The following CCDC171 variants were observed in gnomAD, a reference collection of about 807,000 sequenced individuals.
CCDC171 encodes coiled-coil domain containing 171, also known as coiled-coil domain-containing protein 171.
In CCDC171, 177 loss-of-function variants were observed where a neutral mutation model predicts 168.2. The ratio of observed to expected loss-of-function variants is 1.05; its 90% CI spans 0.93 to 1.19. The LOEUF (loss-of-function observed/expected upper bound fraction) is 1.19, where lower values mean the gene tolerates loss of function less well. Ranked by LOEUF, CCDC171 falls within the 50% of genes most tolerant of loss-of-function variation. CCDC171 has a pLI of 0.00. For missense variants in CCDC171, 1,991 were observed against 1,539.0 expected (o/e 1.29, Z -4.91); for synonymous variants, 687 against 540.8 (o/e 1.27, Z -3.75).
At chr9:15,718,501 G>A (rs552122369) in intron 11 of CCDC171, among the ~76,000 whole-genome samples, 2 of 152,214 alleles carry the variant, frequency 1.3e-5, no homozygotes, top group African/African-American at 4.8e-5. Flanking sequence ...CCAGTTAATG[G>A]TTACAGCAGG....
chr9:15,799,214 T>C (rs1355146481), intron 21 of CCDC171, among the ~76,000 whole-genome samples: 1 of 145,710 alleles, frequency 6.9e-6, no homozygotes, highest in Non-Finnish European at 1.5e-5. Flanking sequence ...TTCCATCTAA[T>C]GTGATTTTCC....
chr9:15,992,989 G>C (rs1238605230), intron 3 of CCDC171, among the ~76,000 whole-genome samples: 1 of 152,184 alleles, frequency 6.6e-6, no homozygotes, highest in Non-Finnish European at 1.5e-5. Context: ...TGGATAGGAA[G>C]AATCAATATC....
intron 11 of CCDC171, among the ~76,000 whole-genome samples, chr9:15,704,775 G>A (rs936059424): frequency 6.6e-6 from 1 of 152,060 alleles, no homozygotes; most frequent in African/African-American, 2.4e-5. Flanking sequence ...AGTCCAAGAC[G>A]TTCCAGAAGT....
At chr9:16,027,653 C>G (rs1344088882) in intron 6 of CCDC171, among the ~76,000 whole-genome samples, 1 of 152,120 alleles carries the variant, frequency 6.6e-6, no homozygotes, top group Non-Finnish European at 1.5e-5. Flanking sequence ...GGCCCACTCG[C>G]CAAGCCTGGT....
chr9:15,717,126 C>T (rs1427499341), intron 11 of CCDC171, among the ~76,000 whole-genome samples: 1 of 152,226 alleles, frequency 6.6e-6, no homozygotes, highest in African/African-American at 2.4e-5. Flanking sequence ...GACACCACCA[C>T]TCTTCCATGC....
intron 15 of CCDC171, among the ~76,000 whole-genome samples, chr9:15,728,964 A>C (rs1472013829): frequency 1.3e-5 from 2 of 152,188 alleles, no homozygotes; most frequent in Non-Finnish European, 2.9e-5. Flanking sequence ...AACCATAGAC[A>C]CTGAGAAGTA....
chr9:15,953,674 G>A (rs988101775), intron 25 of CCDC171, among the ~76,000 whole-genome samples: 2 of 152,132 alleles, frequency 1.3e-5, no homozygotes, highest in African/African-American at 4.8e-5. Context: ...TTAGTAACAG[G>A]ATAATGCTGG....
intron 24 of CCDC171, chr9:15,875,747 A>G (rs1817752758): frequency 1.3e-5 from 2 of 152,020 alleles, no homozygotes; most frequent in African/African-American, 4.8e-5. Context: ...ATTTGTTATT[A>G]GTACCAAATT....
chr9:15,615,033 T>C (rs560450980), intron 6 of CCDC171, among the ~76,000 whole-genome samples: 1 of 152,158 alleles, frequency 6.6e-6, no homozygotes, highest in Non-Finnish European at 1.5e-5. Context: ...AACATCTTGA[T>C]AGCATAATCT....
At chr9:15,624,646 C>T (rs1412511187) in intron 7 of CCDC171, among the ~76,000 whole-genome samples, 2 of 152,176 alleles carry the variant, frequency 1.3e-5, no homozygotes, top group Non-Finnish European at 2.9e-5. Context: ...ATAAACTCAT[C>T]ATTTTTTATG....
At chr9:15,626,037 C>T (rs1028699725) in intron 7 of CCDC171, among the ~76,000 whole-genome samples, 2 of 152,060 alleles carry the variant, frequency 1.3e-5, no homozygotes, top group Admixed American at 6.6e-5. Context: ...CCTTCACATC[C>T]CTTGTAAGTT....
chr9:16,093,614 T>C, the CCDC171 span, among the ~76,000 whole-genome samples: 4 of 152,226 alleles, frequency 2.6e-5, no homozygotes, highest in African/African-American at 9.6e-5. Flanking sequence ...CTCTTCTCTC[T>C]CTGATGTTGC....
chr9:15,633,260 T>C (rs1357054736), intron 7 of CCDC171, among the ~76,000 whole-genome samples: 2 of 152,108 alleles, frequency 1.3e-5, no homozygotes, highest in African/African-American at 4.8e-5. Flanking sequence ...AGAAAAGTTT[T>C]GCAACCTACT....
intron 6 of CCDC171, among the ~76,000 whole-genome samples, chr9:15,606,581 G>A (rs1179175914): frequency 2.6e-5 from 4 of 152,138 alleles, no homozygotes; most frequent in African/African-American, 7.2e-5. Flanking sequence ...TATTTTATAA[G>A]CTAGAAAAGA....
At chr9:15,956,096 G>A (rs1183439384) in intron 25 of CCDC171, among the ~76,000 whole-genome samples, 1 of 152,144 alleles carries the variant, frequency 6.6e-6, no homozygotes, top group Non-Finnish European at 1.5e-5. Context: ...GGTAAGAAGT[G>A]AGCAGTGTTC....
At chr9:15,988,358 C>T (rs972420239) in intron 3 of CCDC171, among the ~76,000 whole-genome samples, 34 of 152,164 alleles carry the variant, frequency 2.2e-4, no homozygotes, top group South Asian at 4.1e-4. Flanking sequence ...TTATGCTGCA[C>T]GACTTTTTAA....
the CCDC171 span, among the ~76,000 whole-genome samples, chr9:16,107,724 T>C: frequency 6.6e-6 from 1 of 152,204 alleles, no homozygotes. Context: ...GCATTTCTTA[T>C]AAACAATGAC....
intron 6 of CCDC171, among the ~76,000 whole-genome samples, chr9:15,601,951 G>T (rs2042886957): frequency 6.6e-6 from 1 of 152,180 alleles, no homozygotes; most frequent in African/African-American, 2.4e-5. Flanking sequence ...ATGAAACATT[G>T]TGGTTATACC....
chr9:16,042,812 T>C (rs1324748289), exon 1 of CCDC171: 1 of 152,024 alleles, frequency 6.6e-6, no homozygotes, highest in Non-Finnish European at 1.5e-5. Flanking sequence ...TTAAAGAAGA[T>C]GAGGGAAAAT....
Sources: allele counts gnomAD v4.1 joint callset (sites outside exome capture counted in the v4.1 genomes callset), GRCh38; gene constraint gnomAD v4.1.1; transcripts MANE v1.5; gene names NCBI Gene and HGNC (gene_info 2026-07-23, HGNC 2026-07-21).